FBN3: variants seen among roughly 807,000 people sequenced by gnomAD.
FBN3 encodes fibrillin-3.
A neutral mutation model predicts 330.1 loss-of-function variants in FBN3; 234 were observed. The observed-to-expected ratio is 0.71, with a 90% CI of 0.64 to 0.79. FBN3 has a LOEUF of 0.79. Ranked by LOEUF, FBN3 falls within the 30% of genes least tolerant of loss-of-function variation. FBN3 has a pLI of 0.00. For missense variants in FBN3, 3,606 were observed against 3,886.9 expected (o/e 0.93, Z 1.92); for synonymous variants, 1,458 against 1,517.3 (o/e 0.96, Z 0.91).
chr19:8,126,735 G>A lies in FBN3; in HGVS notation c.2394C>T (p.Asp798=), dbSNP rs199916243. Residue 798 remains aspartate, a synonymous_variant, in exon 19 of 64, where the codon GAC becomes GAT. Coordinates refer to ENST00000600128, the MANE Select transcript of FBN3 (RefSeq NM_032447.5). The part of the protein sequence containing the change: ...TCKCGPGSRL[D]PSGTFCLDST... ...CACCTAGACAGAAGGTACCAGAGGG[G>A]TCCAGCCGGCTGCCAGGGCCACATT... is the stretch of plus-strand genomic sequence containing the variant. 6 of 1,587,994 alleles carry A rather than the reference G, an allele frequency of 3.8e-6. No individual in the cohort carries two copies. The highest frequency in any genetic ancestry group is 1.8e-5 in the Admixed American group (1 of 55,224).
chr19:8,145,533 TAGTC>T (rs1015330056), intron 5 of FBN3, among the ~76,000 whole-genome samples: 7 of 150,434 alleles, frequency 4.7e-5, no homozygotes, highest in Non-Finnish European at 8.9e-5. Flanking sequence ...ACAAAAAAAT[TAGTC>T]AGGCAAGGTG....
chr19:8,104,772 A>T (rs1027673601), intron 38 of FBN3, among the ~76,000 whole-genome samples: 1 of 152,216 alleles, frequency 6.6e-6, no homozygotes, highest in African/African-American at 2.4e-5. Flanking sequence ...CAATCTGCCA[A>T]TGTAGCAAGA....
intron 47 of FBN3, among the ~76,000 whole-genome samples, chr19:8,092,366 G>A (rs1441211385): frequency 6.6e-6 from 1 of 151,900 alleles, no homozygotes; most frequent in Non-Finnish European, 1.5e-5. Flanking sequence ...ATCAGCCAAC[G>A]AGTAGATAAA....
chr19:8,107,446 T>C (rs762706188), intron 37 of FBN3, among the ~76,000 whole-genome samples: 11 of 143,976 alleles, frequency 7.6e-5, no homozygotes, highest in Non-Finnish European at 1.4e-4. Flanking sequence ...AGTGGAAGGA[T>C]AGATGAATGG....
At chr19:8,082,052 C>T (rs765832566) in intron 57 of FBN3, among the ~76,000 whole-genome samples, 1 of 152,198 alleles carries the variant, frequency 6.6e-6, no homozygotes, top group Non-Finnish European at 1.5e-5. Flanking sequence ...CACCCTCCGC[C>T]TCCCAGGTTC....
At chr19:8,118,016 A>G (rs1189808235) in intron 26 of FBN3, among the ~76,000 whole-genome samples, 3 of 151,860 alleles carry the variant, frequency 2.0e-5, no homozygotes, top group African/African-American at 7.3e-5. Flanking sequence ...ACCCATGTGC[A>G]CACACAGACA....
At chr19:8,101,015 G>C in intron 40 of FBN3, 43 bp from the exon 41 acceptor site, 1 of 1,536,086 alleles carries the variant, frequency 6.5e-7, no homozygotes. Flanking sequence ...CTGCAGGCCT[G>C]ACCCCAGCCC....
chr19:8,090,853 G>A (rs914587441), intron 48 of FBN3, among the ~76,000 whole-genome samples: 4 of 152,122 alleles, frequency 2.6e-5, no homozygotes, highest in Non-Finnish European at 5.9e-5. Flanking sequence ...TCTCATGCCA[G>A]GAAGAAAGAT....
intron 57 of FBN3, among the ~76,000 whole-genome samples, chr19:8,081,767 C>T (rs2081791372): frequency 6.6e-6 from 1 of 152,132 alleles, no homozygotes; most frequent in Non-Finnish European, 1.5e-5. Flanking sequence ...TTGACAAGAA[C>T]AAATGGAGGG....
chr19:8,083,834 G>A (rs1200195291), intron 56 of FBN3, among the ~76,000 whole-genome samples: 3 of 124,486 alleles, frequency 2.4e-5, no homozygotes, highest in African/African-American at 8.9e-5. Context: ...ACAGAGTCTC[G>A]CTCTGTCGCC....
At chr19:8,092,884 T>G (rs1290994887) in intron 47 of FBN3, among the ~76,000 whole-genome samples, 1 of 151,924 alleles carries the variant, frequency 6.6e-6, no homozygotes, top group Admixed American at 6.6e-5. Flanking sequence ...AATAATGATA[T>G]AAAGGACTTT....
chr19:8,097,181 A>C, intron 42 of FBN3, 108 bp downstream of exon 42: 1 of 1,486,908 alleles, frequency 6.7e-7, no homozygotes, highest in Non-Finnish European at 9.1e-7. Context: ...CCCATTATAC[A>C]TACAGGGAAA....
intron 53 of FBN3, 33 bp from the exon 54 acceptor site, chr19:8,087,244 G>A: frequency 1.3e-6 from 2 of 1,543,826 alleles, no homozygotes; most frequent in Non-Finnish European, 8.7e-7. Context: ...GGTCAGTCAA[G>A]GCCAGGCACC....
At chr19:8,114,238 C>A (rs924052316) in intron 30 of FBN3, among the ~76,000 whole-genome samples, 35 of 136,206 alleles carry the variant, frequency 2.6e-4, no homozygotes, top group Non-Finnish European at 5.1e-5. Flanking sequence ...GAATCAATTT[C>A]TTTTTAATTA....
rs1320508120 is a variant in FBN3, at chr19:8,096,854, T to C, written c.5413+27A>G. 6.2e-7 allele frequency: 1 copy of C among 1,609,410 alleles called. No homozygotes were observed. Among genetic ancestry groups the C allele is most frequent in the Non-Finnish European group, 8.5e-7 (1 of 1,179,108 alleles). ...CCATGGGTGACAGAGCCCAGCTCCC[T>C]CACCTCCTCCCAGGGACCCTGCTCA... is the stretch of plus-strand genomic sequence containing the variant. On this transcript the variant is annotated intron_variant, in intron 43 of 63. Transcript: ENST00000600128. This position sits in a 1 kb window ranked among gnomAD's most constrained non-coding sequence, Gnocchi z 4.6.
Position 8,106,132 on chromosome 19 carries a change from T to C in FBN3, c.4789A>G (p.Ser1597Gly), listed in dbSNP as rs200048861. The part of the protein sequence containing the change: ...QCECPPGYHL[S>G]EHTRICEDID... ...CCCTCACAGATGCGGGTGTGCTCACTGAGGTGGTAGCCAGGTGGGCACTCA... is the reference window on the plus strand; with the variant it reads ...CCCTCACAGATGCGGGTGTGCTCACCGAGGTGGTAGCCAGGTGGGCACTCA... Residue 1597 changes from serine (S) to glycine (G), a missense_variant, in exon 38 of 64, where the codon AGT (serine) becomes GGT (glycine). Coordinates refer to ENST00000600128, the MANE Select transcript of FBN3 (RefSeq NM_032447.5). 9 of 1,614,134 alleles carry C rather than the reference T, an allele frequency of 5.6e-6. No homozygotes were observed. In the East Asian group the frequency reaches 1.8e-4, roughly 32 times the overall value.
In FBN3 at chr19:8,126,333, G is replaced by A. The variant is rs780755016; in HGVS notation, c.2569C>T (p.Arg857Trp). The A allele has an allele frequency of 4.8e-5, 77 of 1,590,372 alleles. No individual in the cohort carries two copies. Among genetic ancestry groups the A allele is most frequent in the Admixed American group, 9.3e-5 (5 of 53,726 alleles). The change falls in exon 21 of 64, where the codon CGG becomes TGG. Residue 857 changes from arginine to tryptophan, a missense_variant. Physicochemically the swap from Arg to Trp is moderately radical, Grantham distance 101 (BLOSUM62 -3). Transcript: ENST00000600128. The part of the protein sequence containing the change: ...ERCEIDPACA[R>W]GFARMTGVTC... ...ACACCCGTCATCCGGGCAAAGCCCC[G>A]GGCACAGGCAGGGTCTGCAACTGGG...
At chr19:8,094,018 C>T (rs2082156479) in intron 47 of FBN3, among the ~76,000 whole-genome samples, 1 of 152,106 alleles carries the variant, frequency 6.6e-6, no homozygotes, top group African/African-American at 2.4e-5. Context: ...TCCAGGTTAG[C>T]CCACACTCTC....
chr19:8,096,080 T>G lies in FBN3; in HGVS notation c.5540A>C (p.Asp1847Ala), dbSNP rs773343938. Reference protein sequence around the residue: ...QASADQTLCMDIDECDRQPCG... With the variant: ...QASADQTLCMAIDECDRQPCG... ...AGGCTGCCGGTCACACTCGTCAATG[T>G]CTGCAGAAGCAAAGCCGAGAGCCCA... The change falls in exon 45 of 64, where the codon GAC (aspartate) becomes GCC (alanine). Residue 1847 changes from aspartate (D) to alanine (A), a missense_variant and splice_region_variant. Transcript: ENST00000600128. The surrounding 1 kb of genome is among the most constrained non-coding windows in gnomAD (Gnocchi z 4.6). 6.2e-7 allele frequency: 1 copy of G among 1,612,410 alleles called. No homozygotes were observed. Among genetic ancestry groups the G allele is most frequent in the African/African-American group, 1.3e-5 (1 of 74,986 alleles).
Sources: gnomAD v4.1 joint callset for allele counts (sites outside exome capture counted in the v4.1 genomes callset) on GRCh38, gnomAD v4.1.1 for gene constraint, Gnocchi (gnomAD v3.1) non-coding constraint, MANE v1.5 for transcripts, NCBI Gene and HGNC (gene_info 2026-07-23, HGNC 2026-07-21) for gene names.